Variants in SORBS2 observed in about 807,000 individuals in gnomAD.
SORBS2 encodes sorbin and SH3 domain containing 2.
A neutral mutation model predicts 97.7 loss-of-function variants in SORBS2; 46 were observed. The ratio of observed to expected loss-of-function variants is 0.47; its 90% CI spans 0.37 to 0.60. SORBS2 has a LOEUF of 0.60. SORBS2 is among the 20% of genes least tolerant of loss of function. SORBS2 has a pLI of 0.00. For synonymous variants in SORBS2, 476 were observed against 473.4 expected, an observed-to-expected ratio of 1.01 and a Z score of -0.07; for missense variants, 1,316 against 1,282.3, an observed-to-expected ratio of 1.03 and a Z score of -0.40.
intron 2 of SORBS2, among the ~76,000 whole-genome samples, chr4:185,758,808 T>C (rs758656972): frequency 1.3e-5 from 2 of 152,236 alleles, no homozygotes; most frequent in Non-Finnish European, 2.9e-5. Context: ...GCAGAGGCAG[T>C]GCCTTCTGCC....
intron 4 of SORBS2, chr4:185,638,997 T>C: frequency 2.0e-6 from 3 of 1,522,992 alleles, no homozygotes; most frequent in East Asian, 2.7e-5. Flanking sequence ...TCCGGCCAGG[T>C]TCCCTTGGAA....
At chr4:185,886,652 C>G (rs2099239816) in intron 1 of SORBS2, among the ~76,000 whole-genome samples, 1 of 151,216 alleles carries the variant, frequency 6.6e-6, no homozygotes, top group African/African-American at 2.4e-5. Context: ...CGGCTCAGGT[C>G]AATCTGGAAC....
At chr4:185,873,694 T>G (rs1467788578) in intron 1 of SORBS2, among the ~76,000 whole-genome samples, 1 of 152,202 alleles carries the variant, frequency 6.6e-6, no homozygotes, top group East Asian at 1.9e-4. Flanking sequence ...AACTCTACGC[T>G]CATAATTTAC....
chr4:185,600,004 C>A (rs2096221607), intron 12 of SORBS2, among the ~76,000 whole-genome samples: 1 of 152,230 alleles, frequency 6.6e-6, no homozygotes, highest in African/African-American at 2.4e-5. Flanking sequence ...CTAGACATCA[C>A]TGGGCTACGA....
At chr4:185,616,605 A>G (rs573770463) in intron 9 of SORBS2, among the ~76,000 whole-genome samples, 36 of 151,730 alleles carry the variant, frequency 2.4e-4, no homozygotes, top group Non-Finnish European at 3.8e-4. Flanking sequence ...TATGAAAAAG[A>G]CTCTTTTGTA....
At chr4:185,719,603 T>C (rs1012499568) in intron 2 of SORBS2, among the ~76,000 whole-genome samples, 1 of 152,232 alleles carries the variant, frequency 6.6e-6, no homozygotes, top group East Asian at 1.9e-4. Context: ...AAACTAACTA[T>C]ATTTGGCTCT....
chr4:185,678,360 G>C (rs2097825352), intron 4 of SORBS2, 63 bp downstream of exon 7: 3 of 1,350,290 alleles, frequency 2.2e-6, no homozygotes, highest in Non-Finnish European at 2.0e-6. Context: ...GAAAGAGGCT[G>C]TAAGCAGTGG....
Position 185,906,634 on chromosome 4 carries a change from C to G in SORBS2, c.-338+49562G>C, listed in dbSNP as rs1249841283. On this transcript the variant is annotated intron_variant, in intron 1 of 20. Transcript: ENST00000284776. Reference sequence around the variant, plus strand: ...ACGCAGCACTCTACAATGCAGTGCCCGTGAATGAATAAATGAATGACACCT... The same window carrying G: ...ACGCAGCACTCTACAATGCAGTGCCGGTGAATGAATAAATGAATGACACCT... 2.0e-5 allele frequency among the ~76,000 whole-genome samples: 3 copies of G among 152,188 alleles called. No homozygotes were observed. The East Asian group carries it at 5.8e-4, about 29-fold the overall frequency.
chr4:185,860,674 A>T (rs948809677), intron 1 of SORBS2, among the ~76,000 whole-genome samples: 1 of 152,180 alleles, frequency 6.6e-6, no homozygotes, highest in African/African-American at 2.4e-5. Flanking sequence ...GAGACATAAG[A>T]CATCAATCAA....
At chr4:185,661,776 A>C (rs1460869680), upstream of SORBS2, among the ~76,000 whole-genome samples, 1 of 152,208 alleles carries the variant, frequency 6.6e-6, no homozygotes, top group East Asian at 1.9e-4. Context: ...CCAAGTCCGA[A>C]CAAGCTGCCC....
exon 4 of SORBS2, chr4:185,646,767 A>G: frequency 6.2e-7 from 1 of 1,607,022 alleles, no homozygotes; most frequent in African/African-American, 1.3e-5. Flanking sequence ...TTCTGTCTGG[A>G]GGATCCCAGT....
chr4:185,791,320 C>G (rs1188951173), intron 1 of SORBS2, among the ~76,000 whole-genome samples: 1 of 152,116 alleles, frequency 6.6e-6, no homozygotes, highest in Non-Finnish European at 1.5e-5. Context: ...TTTGTTTGTA[C>G]AGACTCATGT....
At chr4:185,911,602 T>G (rs1250307851) in intron 1 of SORBS2, among the ~76,000 whole-genome samples, 2 of 152,124 alleles carry the variant, frequency 1.3e-5, no homozygotes, top group Non-Finnish European at 2.9e-5. Flanking sequence ...AAGATACACA[T>G]TTTAACATCT....
chr4:185,649,393 C>T, intron 3 of SORBS2, 74 bp downstream of exon 12: 13 of 1,252,522 alleles, frequency 1.0e-5, no homozygotes, highest in East Asian at 5.6e-5. Context: ...TGCACTGATT[C>T]TTCTACTGAA....
chr4:185,939,428 C>T (rs535127814), intron 1 of SORBS2, among the ~76,000 whole-genome samples: 12 of 152,322 alleles, frequency 7.9e-5, no homozygotes, highest in East Asian at 1.9e-4. Context: ...CTTTGGCCCA[C>T]GTCCCTCTCT....
chr4:185,630,260 CT>C (rs1303028490), intron 5 of SORBS2, among the ~76,000 whole-genome samples: 10 of 151,884 alleles, frequency 6.6e-5, no homozygotes, highest in African/African-American at 2.4e-4. Context: ...AAATTAGTTA[CT>C]TATAATTCCC....
chr4:185,780,770 CAT>C (rs1407268454), intron 1 of SORBS2, among the ~76,000 whole-genome samples: 18 of 152,270 alleles, frequency 1.2e-4, no homozygotes, highest in African/African-American at 2.6e-4. Flanking sequence ...TTTGTCATCA[CAT>C]GTGTCATTTT....
At chr4:185,714,029 C>G (rs1024901041) in intron 2 of SORBS2, among the ~76,000 whole-genome samples, 1 of 152,184 alleles carries the variant, frequency 6.6e-6, no homozygotes, top group African/African-American at 2.4e-5. Context: ...AACAGCTACC[C>G]ACCTATCCTT....
At chr4:185,652,717 C>T (rs151036410) in exon 2 of SORBS2, 2 of 1,614,046 alleles carry the variant, frequency 1.2e-6, no homozygotes, top group East Asian at 2.2e-5. Flanking sequence ...AGTCCTTGGG[C>T]CGGTCGACTG....
Sources: allele counts gnomAD v4.1 joint callset (sites outside exome capture counted in the v4.1 genomes callset), GRCh38; gene constraint gnomAD v4.1.1; transcripts MANE v1.5; gene names NCBI Gene and HGNC (gene_info 2026-07-23, HGNC 2026-07-21).